Variants in KIF26B observed in about 807,000 individuals in gnomAD.
KIF26B encodes kinesin family member 26B.
A neutral mutation model predicts 151.2 loss-of-function variants in KIF26B; 63 were observed. The ratio of observed to expected loss-of-function variants is 0.42; its 90% CI spans 0.34 to 0.51. The LOEUF is 0.51. KIF26B is among the 20% of genes least tolerant of loss of function. The pLI, the probability that KIF26B is intolerant of heterozygous loss-of-function variation, is 0.07. For missense variants in KIF26B, 2,813 were observed against 2,913.6 expected (o/e 0.97, Z 0.79); for synonymous variants, 1,357 against 1,262.1 (o/e 1.08, Z -1.59).
intron 4 of KIF26B, among the ~76,000 whole-genome samples, chr1:245,425,553 T>C (rs1411565374): frequency 6.6e-6 from 1 of 152,102 alleles, no homozygotes; most frequent in Non-Finnish European, 1.5e-5. Context: ...ACTACAGGCG[T>C]CCAACACCAC....
chr1:245,683,853 A>G (rs1286676686), intron 10 of KIF26B, among the ~76,000 whole-genome samples: 1 of 152,164 alleles, frequency 6.6e-6, no homozygotes, highest in East Asian at 1.9e-4. Context: ...CCCTGGAGAA[A>G]GGCCACACGT....
intron 14 of KIF26B, among the ~76,000 whole-genome samples, chr1:245,701,832 G>A (rs1363419619): frequency 1.3e-5 from 2 of 152,094 alleles, no homozygotes; most frequent in Non-Finnish European, 2.9e-5. Context: ...CCTCGTACTG[G>A]GAGCCTGCTG....
chr1:245,375,279 G>A lies in KIF26B; in HGVS notation c.999+7912G>A, dbSNP rs1281528864. ...TTTAGTAGAGATGAGGTTTCACCAT[G>A]TTGTCCAGGCTGGTCTCAAACTCCT... On this transcript the variant is annotated intron_variant, in intron 3 of 14. Coordinates refer to ENST00000407071, the MANE Select transcript of KIF26B (RefSeq NM_018012.4). This position sits in a 1 kb window ranked among gnomAD's most constrained non-coding sequence, Gnocchi z 4.2. Among the ~76,000 whole-genome samples, 1 of 152,136 alleles carries A rather than the reference G, an allele frequency of 6.6e-6. No individual in the cohort carries two copies. The highest frequency in any genetic ancestry group is 1.5e-5 in the Non-Finnish European group (1 of 68,036).
chr1:245,324,915 T>C (rs953492307), intron 2 of KIF26B, among the ~76,000 whole-genome samples: 5 of 151,578 alleles, frequency 3.3e-5, no homozygotes, highest in African/African-American at 1.2e-4. Context: ...GCCAACATGG[T>C]GAAATCCCGT....
chr1:245,221,702 C>G (rs912120067), intron 2 of KIF26B, among the ~76,000 whole-genome samples: 8 of 152,224 alleles, frequency 5.3e-5, no homozygotes, highest in Non-Finnish European at 1.0e-4. Flanking sequence ...CACACCGTGC[C>G]TGGCCTATTC....
At chr1:245,656,605 AG>A (rs2044077431) in intron 10 of KIF26B, among the ~76,000 whole-genome samples, 1 of 152,214 alleles carries the variant, frequency 6.6e-6, no homozygotes. Flanking sequence ...GGGCACCCAC[AG>A]GGGGCTGTGA....
chr1:245,191,278 C>A (rs981267740), intron 2 of KIF26B, among the ~76,000 whole-genome samples: 4 of 151,736 alleles, frequency 2.6e-5, no homozygotes, highest in African/African-American at 9.7e-5. Context: ...AGTTCGAGAC[C>A]AGCCTGGCCA....
At chr1:245,527,626 C>A (rs1189130057) in intron 4 of KIF26B, among the ~76,000 whole-genome samples, 1 of 145,552 alleles carries the variant, frequency 6.9e-6, no homozygotes, top group Admixed American at 6.9e-5. Context: ...CTCCACCTCC[C>A]GGGTTCATGC....
intron 3 of KIF26B, among the ~76,000 whole-genome samples, chr1:245,404,239 C>T (rs1214117836): frequency 1.2e-4 from 18 of 149,360 alleles, no homozygotes; most frequent in African/African-American, 3.9e-4. Context: ...AGCGTAGAGT[C>T]TTTTAACTCA....
At chr1:245,489,796 C>T (rs2103073235) in intron 4 of KIF26B, among the ~76,000 whole-genome samples, 1 of 152,296 alleles carries the variant, frequency 6.6e-6, no homozygotes, top group Non-Finnish European at 1.5e-5. Context: ...TATTCTTATT[C>T]TTCTACTATT....
At chr1:245,181,310 G>T (rs569229543) in intron 2 of KIF26B, among the ~76,000 whole-genome samples, 3 of 152,032 alleles carry the variant, frequency 2.0e-5, no homozygotes, top group African/African-American at 2.4e-5. Context: ...CTGAGAAGGC[G>T]GCGTGTTCTG....
chr1:245,464,879 T>C (rs1006649565), intron 4 of KIF26B, among the ~76,000 whole-genome samples: 12 of 152,036 alleles, frequency 7.9e-5, no homozygotes, highest in Admixed American at 7.9e-4. Flanking sequence ...GCAGCAGCTA[T>C]GTGCAGAGCC....
intron 3 of KIF26B, among the ~76,000 whole-genome samples, chr1:245,390,941 A>AC (rs1286752394): frequency 0.025 from 3,659 of 146,450 alleles, 230 homozygotes; most frequent in African/African-American, 0.036. Flanking sequence ...AAAAAAAAAA[A>AC]AAAAAAAAAA....
chr1:245,269,881 A>G (rs955851020), intron 2 of KIF26B, among the ~76,000 whole-genome samples: 3 of 152,028 alleles, frequency 2.0e-5, no homozygotes, highest in Admixed American at 6.6e-5. Context: ...CTGTTTTGCT[A>G]TCGTGAACAG....
intron 2 of KIF26B, among the ~76,000 whole-genome samples, chr1:245,303,286 C>T (rs971125969): frequency 7.4e-5 from 11 of 149,500 alleles, no homozygotes; most frequent in Admixed American, 6.6e-5. Flanking sequence ...GCAAGCTCCG[C>T]CTCCCGGGTT....
At chr1:245,304,028 G>C (rs889507086) in intron 2 of KIF26B, among the ~76,000 whole-genome samples, 11 of 152,234 alleles carry the variant, frequency 7.2e-5, no homozygotes, top group African/African-American at 2.4e-4. Flanking sequence ...GAGGATCCCA[G>C]GGGGAAGCTC....
intron 12 of KIF26B, among the ~76,000 whole-genome samples, chr1:245,692,163 C>G (rs2044633214): frequency 4.6e-5 from 7 of 152,128 alleles, no homozygotes; most frequent in Admixed American, 4.6e-4. Flanking sequence ...TTCAGTTGTT[C>G]AACATTGACC....
chr1:245,357,948 G>C (rs556253922), intron 2 of KIF26B, among the ~76,000 whole-genome samples: 4 of 152,072 alleles, frequency 2.6e-5, no homozygotes, highest in Non-Finnish European at 5.9e-5. Context: ...ACATGGTCTC[G>C]CTCTGCTGCC....
intron 2 of KIF26B, among the ~76,000 whole-genome samples, chr1:245,302,642 A>G (rs1011879583): frequency 6.6e-6 from 1 of 152,164 alleles, no homozygotes; most frequent in Non-Finnish European, 1.5e-5. Context: ...GAATTTCCCA[A>G]CATATCAGGG....
Sources: allele counts gnomAD v4.1 joint callset (sites outside exome capture counted in the v4.1 genomes callset), GRCh38; gene constraint gnomAD v4.1.1; non-coding constraint Gnocchi (gnomAD v3.1); transcripts MANE v1.5; gene names NCBI Gene and HGNC (gene_info 2026-07-23, HGNC 2026-07-21).